The following THADA variants were observed in gnomAD, a reference collection of about 807,000 sequenced individuals.
THADA encodes THADA armadillo repeat containing, also known as tRNA (32-2'-O)-methyltransferase regulator THADA.
THADA carries 213 observed loss-of-function variants against 219.8 expected under a neutral mutation model. That is an observed-to-expected ratio of 0.97 (90% CI 0.87 to 1.09). THADA has a LOEUF of 1.09. THADA is among the 50% of genes least tolerant of loss of function. The probability of loss-of-function intolerance (pLI) is 0.00; values close to 1 mark genes in which losing one functional copy is unlikely to be tolerated. For missense variants in THADA, 2,956 were observed against 2,311.3 expected, an observed-to-expected ratio of 1.28 and a Z score of -5.72; for synonymous variants, 1,018 against 828.9, an observed-to-expected ratio of 1.23 and a Z score of -3.92.
chr2:43,233,570 T>C (rs1263713278), intron 36 of THADA, among the ~76,000 whole-genome samples: 1 of 152,208 alleles, frequency 6.6e-6, no homozygotes, highest in African/African-American at 2.4e-5. Flanking sequence ...ATTTGGCTCC[T>C]ATTTTGCTGC....
chr2:43,343,723 C>T (rs1172696409), intron 30 of THADA: 1 of 156,702 alleles, frequency 6.4e-6, no homozygotes, highest in Non-Finnish European at 1.4e-5. Context: ...CCCTATCTGT[C>T]CCTCAGTGCC....
chr2:43,416,760 G>C (rs113765754), intron 28 of THADA, among the ~76,000 whole-genome samples: 2 of 152,142 alleles, frequency 1.3e-5, no homozygotes, highest in African/African-American at 2.4e-5. Flanking sequence ...TATAAAATTG[G>C]CAAACCAAGG....
At chr2:43,310,230 C>T (rs1328804042) in intron 31 of THADA, among the ~76,000 whole-genome samples, 1 of 122,592 alleles carries the variant, frequency 8.2e-6, no homozygotes, top group African/African-American at 3.0e-5. Context: ...TTTCCCGCCC[C>T]CCCCCCAAAC....
At chr2:43,296,726 C>T (rs1416842174) in intron 31 of THADA, among the ~76,000 whole-genome samples, 1 of 152,196 alleles carries the variant, frequency 6.6e-6, no homozygotes, top group East Asian at 1.9e-4. Context: ...GTACCATTTC[C>T]CTATCCTTCC....
In THADA at chr2:43,256,704, G is replaced by C. The variant is rs1296729625; in HGVS notation, c.5296+23061C>G. On this transcript the variant is annotated intron_variant, in intron 36 of 37. Transcript: ENST00000405975. ...AGTGATCCTCCTCCCTCAGACTCTT[G>C]AGTAGCTGGGACCACAGGTGTGTAC... 2.6e-5 allele frequency among the ~76,000 whole-genome samples: 4 copies of C among 150,966 alleles called. No individual in the cohort carries two copies. The East Asian group carries it at 7.8e-4, about 29-fold the overall frequency.
intron 31 of THADA, among the ~76,000 whole-genome samples, chr2:43,309,954 A>G (rs1392392184): frequency 6.6e-6 from 1 of 152,234 alleles, no homozygotes; most frequent in East Asian, 1.9e-4. Flanking sequence ...TAAGAAAATA[A>G]TTCTATTTAT....
intron 4 of THADA, among the ~76,000 whole-genome samples, chr2:43,587,898 A>G (rs1443762602): frequency 6.6e-6 from 1 of 152,222 alleles, no homozygotes; most frequent in African/African-American, 2.4e-5. Flanking sequence ...TTTTGCCTCA[A>G]TTTATATACA....
intron 22 of THADA, among the ~76,000 whole-genome samples, chr2:43,522,652 CTT>C (rs2103695511): frequency 6.6e-6 from 1 of 152,248 alleles, no homozygotes; most frequent in East Asian, 1.9e-4. Flanking sequence ...ATTATGAAAA[CTT>C]TTTAAATGAG....
chr2:43,417,300 C>A (rs1464011237), intron 28 of THADA, among the ~76,000 whole-genome samples: 1 of 151,952 alleles, frequency 6.6e-6, no homozygotes, highest in Non-Finnish European at 1.5e-5. Context: ...AATAGCAGCC[C>A]ACAAATAATC....
At chr2:43,426,682 T>TC (rs1315025605) in intron 28 of THADA, among the ~76,000 whole-genome samples, 3 of 152,192 alleles carry the variant, frequency 2.0e-5, no homozygotes, top group Non-Finnish European at 4.4e-5. Flanking sequence ...TGCCAGAACC[T>TC]CATGTTTAAT....
chr2:43,266,221 C>T (rs1671504153), intron 36 of THADA, among the ~76,000 whole-genome samples: 1 of 152,094 alleles, frequency 6.6e-6, no homozygotes, highest in Non-Finnish European at 1.5e-5. Context: ...TCTCAAACCC[C>T]ATGTCCACTT....
chr2:43,345,917 T>TA (rs1667580419), intron 29 of THADA, among the ~76,000 whole-genome samples: 1 of 152,240 alleles, frequency 6.6e-6, no homozygotes, highest in African/African-American at 2.4e-5. Flanking sequence ...TTGCTCACCT[T>TA]ACTTGGCAAA....
At chr2:43,570,553 A>C (rs1699179994) in intron 13 of THADA, 43 bp from the exon 14 acceptor site, 2 of 1,575,982 alleles carry the variant, frequency 1.3e-6, no homozygotes, top group African/African-American at 1.4e-5. Context: ...GCCACACATT[A>C]AATTTAAATG....
intron 36 of THADA, among the ~76,000 whole-genome samples, chr2:43,240,524 T>TA (rs979980675): frequency 2.0e-5 from 3 of 152,104 alleles, no homozygotes; most frequent in African/African-American, 7.2e-5. Flanking sequence ...TACCTCCCCT[T>TA]ACCCTCTACT....
At chr2:43,373,966 T>C (rs1179368356) in intron 29 of THADA, among the ~76,000 whole-genome samples, 1 of 152,232 alleles carries the variant, frequency 6.6e-6, no homozygotes, top group African/African-American at 2.4e-5. Context: ...TTTATGAAAT[T>C]ATACTTTAAC....
intron 35 of THADA, among the ~76,000 whole-genome samples, chr2:43,280,673 C>T (rs557030765): frequency 3.3e-5 from 5 of 151,614 alleles, no homozygotes; most frequent in African/African-American, 9.7e-5. Context: ...ACAACAACAA[C>T]AAAAAAAAGA....
intron 31 of THADA, among the ~76,000 whole-genome samples, chr2:43,316,416 C>A (rs34549634): frequency 0.28 from 41,829 of 152,030 alleles, 5,947 homozygotes; most frequent in Middle Eastern, 0.39. Context: ...AAAAAATGAT[C>A]TTTTTCTGGA....
intron 1 of THADA, chr2:43,592,726 A>G (rs969509237): frequency 5.3e-6 from 1 of 188,522 alleles, no homozygotes; most frequent in African/African-American, 2.3e-5. Context: ...GACTGAAGTT[A>G]TTTTACCTAC....
intron 30 of THADA, among the ~76,000 whole-genome samples, chr2:43,337,793 A>C (rs1666633688): frequency 6.6e-6 from 1 of 152,200 alleles, no homozygotes; most frequent in Admixed American, 6.5e-5. Context: ...ACTGTATGCC[A>C]GCAATGGTTA....
Sources: allele counts gnomAD v4.1 joint callset (sites outside exome capture counted in the v4.1 genomes callset), GRCh38; gene constraint gnomAD v4.1.1; transcripts MANE v1.5; gene names NCBI Gene and HGNC (gene_info 2026-07-23, HGNC 2026-07-21).